Variants in CTSB observed in about 807,000 individuals in gnomAD.
The protein encoded by CTSB is cathepsin B.
A neutral mutation model predicts 44.3 loss-of-function variants in CTSB; 57 were observed. The ratio of observed to expected loss-of-function variants is 1.29; its 90% CI spans 1.04 to 1.60. The LOEUF (loss-of-function observed/expected upper bound fraction) is 1.60, where lower values mean the gene tolerates loss of function less well. Among genes scored for constraint, CTSB ranks in the 40% most tolerant of loss-of-function variants. CTSB has a pLI of 0.00. For synonymous variants in CTSB, 320 were observed against 168.0 expected (o/e 1.91, Z -7.00); for missense variants, 768 against 443.0 (o/e 1.73, Z -6.59).
intron 4 of CTSB, chr8:11,850,050 GAA>G (rs1178639472): frequency 2.0e-5 from 3 of 152,276 alleles, no homozygotes; most frequent in African/African-American, 7.2e-5. Context: ...CTTGCGAGCT[GAA>G]AAAGAGTTCG....
At chr8:11,850,704 A>G (rs1221187601) in intron 4 of CTSB, 162 bp downstream of exon 4, 6 of 531,326 alleles carry the variant, frequency 1.1e-5, no homozygotes, top group African/African-American at 7.6e-5. Context: ...GCCATCATTC[A>G]TGGCCAGAGG....
intron 8 of CTSB, chr8:11,846,136 G>A (rs970584639): frequency 1.2e-5 from 2 of 170,640 alleles, no homozygotes; most frequent in South Asian, 1.5e-4. Context: ...GTAAGTAAGG[G>A]TTTGTCAAAA....
Position 11,849,063 on chromosome 8 carries a change from G to T in CTSB, c.429C>A (p.Gly143=), listed in dbSNP as rs1420299949. 1 of 1,612,940 alleles carries T rather than the reference G, an allele frequency of 6.2e-7. No individual in the cohort carries two copies. The highest frequency in any genetic ancestry group is 8.5e-7 in the Non-Finnish European group (1 of 1,179,370). Residue 143 remains glycine (G), a synonymous_variant, in exon 5 of 10, where the codon GGC becomes GGA. Coordinates refer to ENST00000353047, the MANE Select transcript of CTSB (RefSeq NM_001908.5). ...TGACTCACCCGTCCCCACACATGCT[G>T]CCACAGCATGTGAGCAGGTCCTCCG... ...VSAEDLLTCC[G]SMCGDGCNGG...
Position 11,860,683 on chromosome 8 carries a change from G to T in CTSB, c.-25-7204C>A, listed in dbSNP as rs1816283068. 3.3e-5 allele frequency among the ~76,000 whole-genome samples: 5 copies of T among 152,274 alleles called. No homozygotes were observed. The South Asian group carries it at 1.0e-3, about 32-fold the overall frequency. On this transcript the variant is annotated intron_variant, in intron 1 of 9. Transcript: ENST00000353047. Reference sequence around the variant, plus strand: ...GTCAAGTGCTTACATTTTGCCAGAAGCCACAAATGAAGACTGTGCCTTATA... The same window carrying T: ...GTCAAGTGCTTACATTTTGCCAGAATCCACAAATGAAGACTGTGCCTTATA...
Position 11,853,358 on chromosome 8 carries a change from A to C in CTSB, c.97T>G (p.Tyr33Asp), listed in dbSNP as rs770370292. The C allele has an allele frequency of 6.2e-7, 1 of 1,613,284 alleles. No individual in the cohort carries two copies. Among genetic ancestry groups the C allele is most frequent in the South Asian group, 1.1e-5 (1 of 91,020 alleles). ...CACGTGGTATTCCGTTTGTTGACATAGTTGACCAGCTCATCCGACAGGGGA... is the reference window on the plus strand; with the variant it reads ...CACGTGGTATTCCGTTTGTTGACATCGTTGACCAGCTCATCCGACAGGGGA... ...FHPLSDELVN[Y>D]VNKRNTTWQA... Residue 33 changes from tyrosine to aspartate, a missense_variant, in exon 2 of 10, where the codon TAT (tyrosine) becomes GAT (aspartate). Physicochemically the swap from Tyr to Asp is radical, Grantham distance 160. Transcript: ENST00000353047.
chr8:11,845,834 C>G (rs993759610), intron 8 of CTSB, 45 bp from the exon 9 acceptor site: 5 of 1,565,382 alleles, frequency 3.2e-6, no homozygotes, highest in Non-Finnish European at 4.3e-6. Context: ...GGCCACTGTC[C>G]CACGCCCCAC....
Position 11,852,674 on chromosome 8 carries a change from C to T in CTSB, c.148G>A (p.Val50Met), listed in dbSNP as rs1471548434. The stretch of plus-strand genomic sequence containing the variant: ...AGCCTCTTCAAGTAGCTCATGTCCA[C>T]GTTGTAGAAGTTGTGCCCGGCCTGG... ...TWQAGHNFYN[V>M]DMSYLKRLCG... The change falls in exon 3 of 10, where the codon GTG becomes ATG. Residue 50 changes from valine (V) to methionine (M), a missense_variant. Transcript: ENST00000353047. The T allele has an allele frequency of 9.3e-6, 15 of 1,614,054 alleles. No homozygotes were observed. Among genetic ancestry groups the T allele is most frequent in the South Asian group, 2.2e-5 (2 of 91,088 alleles).
intron 5 of CTSB, chr8:11,848,374 C>T (rs373170554): frequency 1.1e-4 from 76 of 662,236 alleles, no homozygotes; most frequent in Non-Finnish European, 1.6e-4. Flanking sequence ...CACAAAGATC[C>T]GGGAGAAGAC....
rs1488604323 is a variant in CTSB, at chr8:11,844,771, T to C, written c.*354A>G. The C allele has an allele frequency of 1.4e-5, 3 of 209,892 alleles. No homozygotes were observed. Among genetic ancestry groups the C allele is most frequent in the Non-Finnish European group, 2.9e-5 (3 of 104,320 alleles). 13.0% of individuals were successfully genotyped at this position (209,892 alleles called of 1,614,324 possible). On this transcript the variant is annotated 3_prime_UTR_variant, in exon 10 of 10. Transcript: ENST00000353047. ...ACTGGGGGAACTGATGGGGGAACTT[T>C]CATCCTGTTAGGAACTCCGCTTTCC...
Position 11,845,757 on chromosome 8 carries a change from CCAT to C in CTSB, c.823_825del (p.Met275del), listed in dbSNP as rs765189130. 1.2e-6 allele frequency: 2 copies of C among 1,613,934 alleles called. No homozygotes were observed. Among genetic ancestry groups the C allele is most frequent in the Non-Finnish European group, 1.7e-6 (2 of 1,179,966 alleles). ...CCCAGGATGCGGATGGCATGGCCAC[CCAT>C]CATCTCTCCGGTGACGTGTTGGTAC... On this transcript the variant is annotated inframe_deletion, in exon 9 of 10. Coordinates refer to ENST00000353047, the MANE Select transcript of CTSB (RefSeq NM_001908.5).
At chr8:11,862,423 C>T (rs1816572288) in intron 1 of CTSB, 1 of 152,204 alleles carries the variant, frequency 6.6e-6, no homozygotes, top group South Asian at 2.1e-4. Flanking sequence ...TCTCCTTATA[C>T]ATAGGACAGC....
At position 11,844,952 on chromosome 8, in the gene CTSB, C is replaced by T. The variant is rs1586067896; in HGVS notation, c.*173G>A. On this transcript the variant is annotated 3_prime_UTR_variant, in exon 10 of 10. Transcript: ENST00000353047. ...CTCACATGGCCTGTCTGCACTGTAACCACAGGCTGGGATGTAGCCAGGACT... is the reference window on the plus strand; with the variant it reads ...CTCACATGGCCTGTCTGCACTGTAATCACAGGCTGGGATGTAGCCAGGACT... The T allele has an allele frequency of 4.9e-6, 3 of 609,496 alleles. No homozygotes were observed. Among genetic ancestry groups the T allele is most frequent in the South Asian group, 3.8e-5 (2 of 52,142 alleles). 37.8% of individuals were successfully genotyped at this position (609,496 alleles called of 1,614,324 possible). A position where few individuals can be genotyped will look rare whatever the true frequency, so the allele number is the denominator to read the frequency against.
intron 1 of CTSB, among the ~76,000 whole-genome samples, chr8:11,866,168 G>T (rs527988136): frequency 6.6e-6 from 1 of 152,092 alleles, no homozygotes; most frequent in African/African-American, 2.4e-5. Flanking sequence ...CCTAAAATGG[G>T]TGCAACTTCT....
At chr8:11,857,183 T>C in intron 1 of CTSB, among the ~76,000 whole-genome samples, 1 of 152,152 alleles carries the variant, frequency 6.6e-6, no homozygotes, top group East Asian at 1.9e-4. Context: ...GCTACCACGT[T>C]TGGCTAATTT....
In CTSB at chr8:11,845,059, T is replaced by A; in HGVS notation, c.*66A>T. ...CTGAAACTTGTATCTTACGTGAACT[T>A]AAAGAATAAAATGCATTTCTACCCC... On this transcript the variant is annotated 3_prime_UTR_variant, in exon 10 of 10. Coordinates refer to ENST00000353047, the MANE Select transcript of CTSB (RefSeq NM_001908.5). 1 of 1,095,210 alleles carries A rather than the reference T, an allele frequency of 9.1e-7. No individual in the cohort carries two copies. Among genetic ancestry groups the A allele is most frequent in the Non-Finnish European group, 1.4e-6 (1 of 714,308 alleles). 67.8% of individuals were successfully genotyped at this position (1,095,210 alleles called of 1,614,324 possible).
At chr8:11,848,822 C>T in intron 5 of CTSB, 1 of 466,250 alleles carries the variant, frequency 2.1e-6, no homozygotes, top group African/African-American at 2.0e-5. Context: ...GACTGTTTTG[C>T]TGGGATGCCA....
At position 11,845,795 on chromosome 8, in the gene CTSB, A is replaced by G; in HGVS notation, c.794-6T>C. On this transcript the variant is annotated splice_region_variant and splice_polypyrimidine_tract_variant and intron_variant, in intron 8 of 9. Coordinates refer to ENST00000353047, the MANE Select transcript of CTSB (RefSeq NM_001908.5). ...GGTGACGTGTTGGTACACTCCTGAA[A>G]AGGGAAGAACTGGCTGAGACCGAGA... The G allele has an allele frequency of 6.2e-7, 1 of 1,610,818 alleles. No homozygotes were observed. The highest frequency in any genetic ancestry group is 2.2e-5 in the East Asian group (1 of 44,718).
At chr8:11,850,135 T>C (rs1179702889) in intron 4 of CTSB, 2 of 151,906 alleles carry the variant, frequency 1.3e-5, no homozygotes, top group Non-Finnish European at 2.9e-5. Flanking sequence ...CACTTGAAAA[T>C]AGTTGCTGGG....
intron 3 of CTSB, among the ~76,000 whole-genome samples, 174 bp downstream of exon 3, chr8:11,852,436 G>A (rs1293289): frequency 0.2 from 30,092 of 152,190 alleles, 3,798 homozygotes; most frequent in Middle Eastern, 0.32. Flanking sequence ...AAAATAAAAA[G>A]AGAAAGTAAT....
Sources: allele counts gnomAD v4.1 joint callset (sites outside exome capture counted in the v4.1 genomes callset), GRCh38; gene constraint gnomAD v4.1.1; transcripts MANE v1.5; gene names NCBI Gene and HGNC (gene_info 2026-07-23, HGNC 2026-07-21).